The following TTC13 variants were observed in gnomAD, a reference collection of about 807,000 sequenced individuals.
TTC13 encodes tetratricopeptide repeat protein 13.
Under a neutral mutation model 120.0 loss-of-function variants are expected in TTC13, and 62 were observed. That is an observed-to-expected ratio of 0.52 (90% confidence interval 0.42 to 0.64). TTC13 has a LOEUF of 0.64. Among genes scored for constraint, TTC13 ranks in the 30% least tolerant of loss-of-function variants. The pLI, the probability that TTC13 is intolerant of heterozygous loss-of-function variation, is 0.00. For missense variants in TTC13, 824 were observed against 1,050.2 expected (o/e 0.78, Z 2.98); for synonymous variants, 384 against 393.5 (o/e 0.98, Z 0.28).
chr1:230,921,347 A>C, intron 16 of TTC13, 74 bp downstream of exon 16: 1 of 912,524 alleles, frequency 1.1e-6, no homozygotes, highest in Non-Finnish European at 1.7e-6. Context: ...TTAGTTCTCA[A>C]GTTTCAAAAA....
intron 18 of TTC13, among the ~76,000 whole-genome samples, chr1:230,913,202 G>T (rs184845281): frequency 4.6e-5 from 7 of 152,174 alleles, no homozygotes; most frequent in Non-Finnish European, 2.9e-5. Context: ...AAAAAAAGTG[G>T]AGCTGAAGCT....
At chr1:230,912,495 A>G in intron 19 of TTC13, 128 bp downstream of exon 19, 1 of 1,075,436 alleles carries the variant, frequency 9.3e-7, no homozygotes, top group Non-Finnish European at 1.3e-6. Flanking sequence ...GAAATAAGAA[A>G]TATTTTTAGG....
At chr1:230,946,503 A>G (rs1675012418) in intron 4 of TTC13, among the ~76,000 whole-genome samples, 1 of 152,236 alleles carries the variant, frequency 6.6e-6, no homozygotes, top group African/African-American at 2.4e-5. Context: ...ATCTATATCC[A>G]GTGGTAAACT....
chr1:230,936,076 C>T (rs568806007), intron 8 of TTC13: 10 of 418,590 alleles, frequency 2.4e-5, no homozygotes, highest in South Asian at 1.6e-4. Flanking sequence ...GAGGGAATAA[C>T]GAGCCCATCG....
At chr1:230,977,591 A>G (rs1678452305) in intron 1 of TTC13, among the ~76,000 whole-genome samples, 1 of 152,178 alleles carries the variant, frequency 6.6e-6, no homozygotes. Context: ...TCAACTAAAA[A>G]AAAAAGGTAT....
chr1:230,965,753 C>G (rs1055306813), intron 1 of TTC13, among the ~76,000 whole-genome samples: 7 of 152,224 alleles, frequency 4.6e-5, no homozygotes, highest in Admixed American at 1.3e-4. Flanking sequence ...CTAACTGCAG[C>G]ATTGACCTCA....
At chr1:230,973,111 A>G (rs1374410006) in intron 1 of TTC13, among the ~76,000 whole-genome samples, 2 of 152,228 alleles carry the variant, frequency 1.3e-5, no homozygotes, top group African/African-American at 4.8e-5. Flanking sequence ...GAAAGGATTG[A>G]CCAGATACAC....
chr1:230,973,873 C>G (rs951301491), intron 1 of TTC13, among the ~76,000 whole-genome samples: 1 of 151,950 alleles, frequency 6.6e-6, no homozygotes, highest in African/African-American at 2.4e-5. Flanking sequence ...GTCAGGAGTT[C>G]GAGACCAGCC....
intron 1 of TTC13, among the ~76,000 whole-genome samples, chr1:230,974,750 G>A (rs572512220): frequency 1.3e-5 from 2 of 151,936 alleles, no homozygotes; most frequent in African/African-American, 4.8e-5. Flanking sequence ...GCATCACCAG[G>A]GTCCAAAATA....
rs201168889 is a variant in TTC13 at position 230,911,483 on chromosome 1, A to G, written c.2296T>C (p.Ser766Pro). 4.4e-6 allele frequency: 7 copies of G among 1,598,448 alleles called. No individual in the cohort carries two copies. Among genetic ancestry groups the G allele is most frequent in the Non-Finnish European group, 6.0e-6 (7 of 1,172,570 alleles). The stretch of plus-strand genomic sequence containing the variant: ...GATATTACTTACCTGGATCCTCGAG[A>G]GAGTGGCATTAAATTATAAAAGTAA... Reference protein sequence around the residue: ...VYYFYNLMPLSRGSSVIAYSV... With the variant: ...VYYFYNLMPLPRGSSVIAYSV... Residue 766 changes from serine to proline, a missense_variant, in exon 20 of 23, where the codon TCT becomes CCT. By Grantham distance (74) the Ser-to-Pro change is moderately conservative (BLOSUM62 -1). This residue lies in a region of TTC13 where 226 missense variants were observed against 259.1 expected (regional missense o/e 0.87). Transcript: ENST00000366661.
intron 18 of TTC13, among the ~76,000 whole-genome samples, chr1:230,915,200 C>T (rs185958130): frequency 2.0e-5 from 3 of 152,234 alleles, no homozygotes; most frequent in African/African-American, 7.2e-5. Flanking sequence ...GAGGTGGCTC[C>T]TTGTAGTTTA....
intron 9 of TTC13, among the ~76,000 whole-genome samples, chr1:230,933,180 C>A (rs1290458750): frequency 6.6e-6 from 1 of 152,036 alleles, no homozygotes; most frequent in African/African-American, 2.4e-5. Context: ...ACCATGTTGG[C>A]CAGGCTGGTC....
intron 4 of TTC13, among the ~76,000 whole-genome samples, chr1:230,949,920 A>T (rs968807090): frequency 6.6e-6 from 1 of 152,188 alleles, no homozygotes; most frequent in African/African-American, 2.4e-5. Flanking sequence ...AAGTGCTGGG[A>T]TTACAGGCCT....
At chr1:230,920,703 A>G (rs1672504111) in intron 16 of TTC13, 109 bp from the exon 17 acceptor site, 2 of 606,508 alleles carry the variant, frequency 3.3e-6, no homozygotes, top group South Asian at 5.7e-5. Context: ...TTGAGTAGCT[A>G]AACATTCAAA....
intron 15 of TTC13, 122 bp downstream of exon 15, chr1:230,923,719 C>A: frequency 1.4e-6 from 1 of 728,868 alleles, no homozygotes; most frequent in Non-Finnish European, 2.3e-6. Context: ...CAGAGTCAAT[C>A]AGTATGTTCC....
Position 230,921,585 on chromosome 1 carries a change from T to TA in TTC13, c.1815-82dup, listed in dbSNP as rs1035165455. The TA allele has an allele frequency of 7.1e-5, 53 of 745,792 alleles. No individual in the cohort carries two copies. In the African/African-American group the frequency reaches 8.5e-4, roughly 12 times the overall value. 46.2% of individuals were successfully genotyped at this position (745,792 alleles called of 1,614,324 possible). On this transcript the variant is annotated intron_variant, in intron 15 of 22. Transcript: ENST00000366661. ...CCAACATCTAATTTCAAAGTTAATT[T>TA]AAAAAAATAAGAAACTATGAGAATA... is the stretch of plus-strand genomic sequence containing the variant.
At chr1:230,931,911 A>AG (rs768779576) in intron 9 of TTC13, 34 bp from the exon 10 acceptor site, 7 of 1,598,956 alleles carry the variant, frequency 4.4e-6, no homozygotes, top group Non-Finnish European at 6.0e-6. Flanking sequence ...AATACAGTAT[A>AG]GATATTACGG....
chr1:230,930,854 GT>G, intron 11 of TTC13, among the ~76,000 whole-genome samples: 1 of 152,118 alleles, frequency 6.6e-6, no homozygotes, highest in Admixed American at 6.5e-5. Context: ...GGAGGCGGAG[GT>G]TGCAGTGAGC....
chr1:230,969,057 G>C (rs900547440), intron 1 of TTC13, among the ~76,000 whole-genome samples: 1 of 152,054 alleles, frequency 6.6e-6, no homozygotes, highest in Non-Finnish European at 1.5e-5. Context: ...GGCGGATCAC[G>C]AGGTCAGGAG....
Sources: allele counts gnomAD v4.1 joint callset (sites outside exome capture counted in the v4.1 genomes callset), GRCh38; gene constraint gnomAD v4.1.1; regional missense constraint gnomAD v4.1.1; transcripts MANE v1.5; gene names NCBI Gene and HGNC (gene_info 2026-07-23, HGNC 2026-07-21).